Variants in CPNE8 observed in about 807,000 individuals in gnomAD.
CPNE8 encodes the protein copine-8.
A neutral mutation model predicts 81.5 loss-of-function variants in CPNE8; 45 were observed. The observed-to-expected ratio is 0.55, with a 90% CI of 0.44 to 0.71. The LOEUF is 0.71. Among genes scored for constraint, CPNE8 ranks in the 30% least tolerant of loss-of-function variants. The pLI is 0.00. For missense variants in CPNE8, 594 were observed against 672.1 expected, an observed-to-expected ratio of 0.88 and a Z score of 1.28; for synonymous variants, 252 against 226.3, an observed-to-expected ratio of 1.11 and a Z score of -1.02.
intron 3 of CPNE8, among the ~76,000 whole-genome samples, chr12:38,862,072 T>G (rs1943844443): frequency 6.6e-6 from 1 of 152,116 alleles, no homozygotes; most frequent in African/African-American, 2.4e-5. Flanking sequence ...AATGAAAGTT[T>G]TTACAACCAC....
chr12:38,792,200 C>T (rs1338868393), intron 6 of CPNE8, among the ~76,000 whole-genome samples: 1 of 150,962 alleles, frequency 6.6e-6, no homozygotes. Flanking sequence ...AAAACCTAAA[C>T]CCAAAGCTAG....
At chr12:38,707,950 T>C (rs1321210022) in intron 13 of CPNE8, among the ~76,000 whole-genome samples, 1 of 152,188 alleles carries the variant, frequency 6.6e-6, no homozygotes, top group African/African-American at 2.4e-5. Context: ...TAAAACACCA[T>C]TCTTGAACTC....
At chr12:38,781,861 T>G (rs1166420086) in intron 6 of CPNE8, among the ~76,000 whole-genome samples, 1 of 151,988 alleles carries the variant, frequency 6.6e-6, no homozygotes, top group Non-Finnish European at 1.5e-5. Flanking sequence ...AAATGCAAAT[T>G]TAGGGACATT....
chr12:38,844,721 G>A (rs777933082), intron 4 of CPNE8, among the ~76,000 whole-genome samples: 12 of 151,968 alleles, frequency 7.9e-5, no homozygotes, highest in Admixed American at 2.6e-4. Flanking sequence ...TCTCACTGTC[G>A]TTACAATTAT....
chr12:38,706,451 A>T (rs1940108792), intron 13 of CPNE8, among the ~76,000 whole-genome samples: 1 of 152,182 alleles, frequency 6.6e-6, no homozygotes. Context: ...TCTATCAGAT[A>T]TAGACAGTAA....
At chr12:38,734,188 G>A (rs527430405) in intron 10 of CPNE8, among the ~76,000 whole-genome samples, 4 of 151,766 alleles carry the variant, frequency 2.6e-5, no homozygotes, top group Admixed American at 6.6e-5. Context: ...ATCCCCCTCC[G>A]TACCTGCTAC....
At chr12:38,716,998 A>G (rs1448312336) in intron 13 of CPNE8, among the ~76,000 whole-genome samples, 1 of 152,132 alleles carries the variant, frequency 6.6e-6, no homozygotes, top group African/African-American at 2.4e-5. Flanking sequence ...CACTGTTCTC[A>G]AAATAAGATA....
intron 10 of CPNE8, among the ~76,000 whole-genome samples, chr12:38,749,554 C>A (rs537137546): frequency 6.6e-6 from 1 of 152,208 alleles, no homozygotes; most frequent in Admixed American, 6.5e-5. Flanking sequence ...AGCCTGATAG[C>A]GATATGGACA....
At chr12:38,830,315 A>T (rs959645830) in intron 5 of CPNE8, among the ~76,000 whole-genome samples, 6 of 152,306 alleles carry the variant, frequency 3.9e-5, no homozygotes, top group African/African-American at 1.4e-4. Context: ...AATTTAATTT[A>T]AAAAATAGAA....
intron 5 of CPNE8, among the ~76,000 whole-genome samples, 197 bp downstream of exon 5, chr12:38,839,719 T>C (rs989582455): frequency 1.3e-5 from 2 of 152,108 alleles, no homozygotes; most frequent in Non-Finnish European, 2.9e-5. Flanking sequence ...ATTAGTCCAT[T>C]TTACTTACTA....
At chr12:38,814,064 A>G (rs183949510) in intron 6 of CPNE8, among the ~76,000 whole-genome samples, 2 of 152,208 alleles carry the variant, frequency 1.3e-5, no homozygotes, top group East Asian at 3.9e-4. Context: ...GAGGATAGAA[A>G]GAATGGAGGG....
At chr12:38,786,653 C>A (rs1942194382) in intron 6 of CPNE8, among the ~76,000 whole-genome samples, 3 of 151,958 alleles carry the variant, frequency 2.0e-5, no homozygotes, top group South Asian at 2.1e-4. Context: ...ATACAATATC[C>A]CATGCAAATG....
intron 6 of CPNE8, among the ~76,000 whole-genome samples, chr12:38,799,379 A>G (rs911150691): frequency 2.0e-5 from 3 of 152,196 alleles, no homozygotes; most frequent in African/African-American, 4.8e-5. Context: ...ACTAGAACTC[A>G]GGATTAAGAA....
At chr12:38,701,267 G>A (rs1939936193) in intron 14 of CPNE8, among the ~76,000 whole-genome samples, 1 of 152,074 alleles carries the variant, frequency 6.6e-6, no homozygotes, top group Non-Finnish European at 1.5e-5. Context: ...AACTTTGTGG[G>A]TAGTCTTTTA....
chr12:38,833,526 T>G (rs1308815287), intron 5 of CPNE8, among the ~76,000 whole-genome samples: 2 of 141,404 alleles, frequency 1.4e-5, no homozygotes, highest in African/African-American at 5.3e-5. Flanking sequence ...TTGCCCAGCC[T>G]GGAGTGCAGT....
intron 5 of CPNE8, among the ~76,000 whole-genome samples, chr12:38,832,021 G>A (rs1401499938): frequency 1.3e-5 from 2 of 152,090 alleles, no homozygotes; most frequent in African/African-American, 4.8e-5. Context: ...ACAAATACAA[G>A]AGAACACATG....
chr12:38,785,877 C>T (rs1942173469), intron 6 of CPNE8, among the ~76,000 whole-genome samples: 2 of 151,898 alleles, frequency 1.3e-5, no homozygotes, highest in African/African-American at 4.8e-5. Flanking sequence ...TATCTGCAAG[C>T]CTCTTAGTAA....
At chr12:38,891,304 G>A (rs7307936) in intron 1 of CPNE8, among the ~76,000 whole-genome samples, 6,393 of 151,986 alleles carry the variant, frequency 0.042, 167 homozygotes, top group East Asian at 0.12. Context: ...AGGACAATGT[G>A]TTTTAATTTA....
intron 8 of CPNE8, among the ~76,000 whole-genome samples, chr12:38,763,360 A>G (rs1941612372): frequency 6.6e-6 from 1 of 152,246 alleles, no homozygotes; most frequent in Admixed American, 6.5e-5. Flanking sequence ...GCAAAGAAGG[A>G]GGATGAGACA....
Sources: allele counts gnomAD v4.1 joint callset (sites outside exome capture counted in the v4.1 genomes callset), GRCh38; gene constraint gnomAD v4.1.1; transcripts MANE v1.5; gene names NCBI Gene and HGNC (gene_info 2026-07-23, HGNC 2026-07-21).